The following MAST2 variants were observed in gnomAD, a reference collection of about 807,000 sequenced individuals.
The protein encoded by MAST2 is microtubule-associated serine/threonine-protein kinase 2.
Under a neutral mutation model 147.4 loss-of-function variants are expected in MAST2, and 70 were observed. The observed-to-expected ratio is 0.47, with a 90% CI of 0.39 to 0.58. The LOEUF is 0.58. Ranked by LOEUF, MAST2 falls within the 20% of genes least tolerant of loss-of-function variation. The pLI is 0.00. For missense variants in MAST2, 2,080 were observed against 2,302.3 expected, an observed-to-expected ratio of 0.90 and a Z score of 1.98; for synonymous variants, 869 against 896.8, an observed-to-expected ratio of 0.97 and a Z score of 0.55.
At chr1:46,015,402 G>T (rs948367286) in intron 10 of MAST2, among the ~76,000 whole-genome samples, 14 of 152,112 alleles carry the variant, frequency 9.2e-5, no homozygotes, top group Admixed American at 7.9e-4. Flanking sequence ...TTTTTGAAAG[G>T]ATCAACAAAA....
intron 3 of MAST2, among the ~76,000 whole-genome samples, chr1:45,872,763 G>C (rs541028994): frequency 6.6e-6 from 1 of 152,250 alleles, no homozygotes; most frequent in Non-Finnish European, 1.5e-5. Context: ...TTACAGGCGT[G>C]AGCCACCACG....
Position 46,030,472 on chromosome 1 carries a change from T to C in MAST2, c.2554-135T>C, listed in dbSNP as rs182299644. On this transcript the variant is annotated intron_variant, in intron 21 of 28. Transcript: ENST00000361297. ...AGTGGAATAACTCCTTCCCCAAATA[T>C]TCAGCAGGGGTGTGTGAAGGAGGGA... 5.0e-4 allele frequency: 542 copies of C among 1,077,420 alleles called. 1 individual carries two copies. The highest frequency in any genetic ancestry group is 2.4e-3 in the Middle Eastern group (8 of 3,334). The allele number at this position is 1,077,420 out of a possible 1,614,324, so 66.7% of individuals were successfully genotyped here. A position where few individuals can be genotyped will look rare whatever the true frequency, so the allele number is the denominator to read the frequency against.
At chr1:45,892,919 A>C (rs1160928937) in intron 4 of MAST2, among the ~76,000 whole-genome samples, 1 of 152,234 alleles carries the variant, frequency 6.6e-6, no homozygotes, top group African/African-American at 2.4e-5. Flanking sequence ...TCTGATTTAG[A>C]AAACATAGAT....
At chr1:46,006,150 G>A in intron 7 of MAST2, 91 bp from the exon 8 acceptor site, 1 of 1,304,634 alleles carries the variant, frequency 7.7e-7, no homozygotes, top group Non-Finnish European at 1.1e-6. Flanking sequence ...ATAGTGACTG[G>A]GAAGTTCCCT....
chr1:45,987,778 T>TG (rs1644701298), intron 5 of MAST2, among the ~76,000 whole-genome samples: 2 of 5,196 alleles, frequency 3.8e-4, no homozygotes, highest in Non-Finnish European at 6.9e-4. Context: ...TTTTTTTTGA[T>TG]TTTTTTTTTT....
intron 5 of MAST2, among the ~76,000 whole-genome samples, chr1:45,969,302 C>T (rs1344043345): frequency 1.3e-5 from 2 of 152,052 alleles, no homozygotes; most frequent in Admixed American, 6.6e-5. Context: ...GATAAATAGG[C>T]CTTTAGTAAT....
rs79728136 is a variant in MAST2, at chr1:45,953,398, C to T, written c.501-5988C>T. On this transcript the variant is annotated intron_variant, in intron 4 of 28. Coordinates refer to ENST00000361297, the MANE Select transcript of MAST2 (RefSeq NM_015112.3). ...ATTCATTTGTTCAATAAACACTTGT[C>T]GAAAACCTCCTATGCCCTGTGTACT... is the stretch of plus-strand genomic sequence containing the variant. Among the ~76,000 whole-genome samples, 455 of 152,238 alleles carry T rather than the reference C, an allele frequency of 3.0e-3. 3 individuals carry two copies. Among genetic ancestry groups the T allele is most frequent in the East Asian group, 0.021 (107 of 5,188 alleles).
intron 4 of MAST2, among the ~76,000 whole-genome samples, chr1:45,932,215 G>A (rs1655426921): frequency 6.6e-6 from 1 of 152,134 alleles, no homozygotes; most frequent in Non-Finnish European, 1.5e-5. Context: ...TTAACCCTCT[G>A]TTTTTAGGAT....
chr1:45,944,684 G>A (rs1422672080), intron 4 of MAST2, among the ~76,000 whole-genome samples: 9 of 152,090 alleles, frequency 5.9e-5, no homozygotes, highest in Non-Finnish European at 1.2e-4. Context: ...TTCTTCTAGA[G>A]CCTTCTCGTC....
chr1:45,855,755 G>T (rs1645768206), intron 3 of MAST2, among the ~76,000 whole-genome samples: 1 of 151,980 alleles, frequency 6.6e-6, no homozygotes, highest in African/African-American at 2.4e-5. Flanking sequence ...TGTAGATTGA[G>T]CATTTCTACA....
intron 4 of MAST2, among the ~76,000 whole-genome samples, chr1:45,940,117 C>G (rs909999837): frequency 6.6e-6 from 1 of 151,290 alleles, no homozygotes; most frequent in Non-Finnish European, 1.5e-5. Context: ...CTGAGCCTCC[C>G]GAGTAGCTGG....
intron 1 of MAST2, among the ~76,000 whole-genome samples, chr1:45,805,215 A>AT (rs1244402982): frequency 3.3e-5 from 5 of 152,006 alleles, no homozygotes; most frequent in African/African-American, 9.7e-5. Flanking sequence ...TGTCCAGCTA[A>AT]TTTTTTTGTA....
rs184032678 is a variant in MAST2 at position 46,033,365 on chromosome 1, G to A, written c.3538-437G>A. On this transcript the variant is annotated intron_variant, in intron 26 of 28. Transcript: ENST00000361297. ...GAGGCAGGAGAAGTGCTTGAACCCA[G>A]GAGGCAGAGGTTGCAGTGAGCTGAG... Among the ~76,000 whole-genome samples the A allele has an allele frequency of 6.7e-4, 102 of 151,982 alleles. 1 individual carries two copies. The highest frequency in any genetic ancestry group is 2.3e-3 in the African/African-American group (96 of 41,440).
In MAST2 at chr1:45,877,017, G is replaced by C. The variant is rs868356427; in HGVS notation, c.469-5347G>C. ...ATTGTTTCAGAAAGTAGAAAAAGAG[G>C]ATATATTACCTTAGCACATTTTATG... On this transcript the variant is annotated intron_variant, in intron 3 of 28. Coordinates refer to ENST00000361297, the MANE Select transcript of MAST2 (RefSeq NM_015112.3). Among the ~76,000 whole-genome samples the C allele has an allele frequency of 1.3e-3, 201 of 152,240 alleles. 3 individuals are homozygous for C. The highest frequency in any genetic ancestry group is 4.6e-3 in the African/African-American group (190 of 41,548).
intron 24 of MAST2, 61 bp from the exon 25 acceptor site, chr1:46,032,117 C>G: frequency 7.7e-7 from 1 of 1,292,106 alleles, no homozygotes; most frequent in Non-Finnish European, 1.1e-6. Context: ...CATCAACAGA[C>G]TGGACCAGGG....
At chr1:45,895,579 T>C (rs948850780) in intron 4 of MAST2, among the ~76,000 whole-genome samples, 2 of 152,218 alleles carry the variant, frequency 1.3e-5, no homozygotes, top group Non-Finnish European at 2.9e-5. Flanking sequence ...CCACGTGAGG[T>C]GTACTTCTCT....
chr1:45,805,052 A>ATTTT (rs10681055), intron 1 of MAST2, among the ~76,000 whole-genome samples: 7,262 of 143,510 alleles, frequency 0.051, 340 homozygotes, highest in Non-Finnish European at 0.074. Context: ...TTCCTTAGAC[A>ATTTT]TTTTTTTTTT....
intron 1 of MAST2, among the ~76,000 whole-genome samples, chr1:45,814,775 G>T (rs908380104): frequency 2.0e-5 from 3 of 152,158 alleles, no homozygotes; most frequent in Non-Finnish European, 4.4e-5. Flanking sequence ...CGACAAGAGC[G>T]AAACTCTATC....
chr1:45,904,435 A>G (rs923389991), intron 4 of MAST2, among the ~76,000 whole-genome samples: 4 of 151,426 alleles, frequency 2.6e-5, no homozygotes, highest in African/African-American at 9.7e-5. Flanking sequence ...TGGCCTCCCA[A>G]TGTGCTGAGA....
Sources: gnomAD v4.1 joint callset for allele counts (sites outside exome capture counted in the v4.1 genomes callset) on GRCh38, gnomAD v4.1.1 for gene constraint, MANE v1.5 for transcripts, NCBI Gene and HGNC (gene_info 2026-07-23, HGNC 2026-07-21) for gene names.